The following YWHAG variants were observed in gnomAD, a reference collection of about 807,000 sequenced individuals.
YWHAG encodes tyrosine 3-monooxygenase/tryptophan 5-monooxygenase activation protein gamma.
A neutral mutation model predicts 23.3 loss-of-function variants in YWHAG; 1 was observed. That is an observed-to-expected ratio of 0.04 (90% confidence interval 0.02 to 0.20). The LOEUF is 0.20. Among genes scored for constraint, YWHAG ranks in the 10% least tolerant of loss-of-function variants. The pLI is 1.00. For synonymous variants in YWHAG, 160 were observed against 144.0 expected, an observed-to-expected ratio of 1.11 and a Z score of -0.80; for missense variants, 151 against 338.6, an observed-to-expected ratio of 0.45 and a Z score of 4.35.
intron 1 of YWHAG, among the ~76,000 whole-genome samples, 174 bp downstream of exon 1, chr7:76,358,548 C>G (rs544367017): frequency 6.6e-6 from 1 of 152,316 alleles, no homozygotes; most frequent in East Asian, 1.9e-4. Flanking sequence ...AAAGAGGCCG[C>G]GTCACAGCCC....
intron 1 of YWHAG, among the ~76,000 whole-genome samples, chr7:76,349,220 T>A (rs1399334283): frequency 2.0e-5 from 3 of 151,236 alleles, no homozygotes; most frequent in Non-Finnish European, 2.9e-5. Flanking sequence ...TGGGCGCCTG[T>A]AGTCCCAGCT....
intron 1 of YWHAG, among the ~76,000 whole-genome samples, chr7:76,354,828 G>C (rs1803927224): frequency 1.3e-5 from 2 of 152,158 alleles, no homozygotes; most frequent in Non-Finnish European, 2.9e-5. Context: ...TCCCCAAAGA[G>C]TTAACGATTT....
At chr7:76,330,344 G>C in intron 1 of YWHAG, 111 bp from the exon 2 acceptor site, 1 of 1,189,208 alleles carries the variant, frequency 8.4e-7, no homozygotes, top group Non-Finnish European at 1.2e-6. Flanking sequence ...TGAACAGAAG[G>C]AAATTACTTT....
chr7:76,354,967 C>T (rs952879657), intron 1 of YWHAG, among the ~76,000 whole-genome samples: 2 of 152,152 alleles, frequency 1.3e-5, no homozygotes, highest in Non-Finnish European at 2.9e-5. Flanking sequence ...TCAGTTCAGA[C>T]GCTTGGAAAT....
At chr7:76,357,707 C>T (rs997622938) in intron 1 of YWHAG, among the ~76,000 whole-genome samples, 1 of 152,104 alleles carries the variant, frequency 6.6e-6, no homozygotes, top group African/African-American at 2.4e-5. Context: ...AGACTTTTTC[C>T]CCTTTAAAAT....
chr7:76,329,533 C>A lies in YWHAG; in HGVS notation c.*44G>T. The A allele has an allele frequency of 8.5e-7, 1 of 1,169,770 alleles. No homozygotes were observed. Among genetic ancestry groups the A allele is most frequent in the Non-Finnish European group, 1.2e-6 (1 of 865,824 alleles). 72.5% of individuals were successfully genotyped at this position (1,169,770 alleles called of 1,614,324 possible). A position where few individuals can be genotyped will look rare whatever the true frequency, so the allele number is the denominator to read the frequency against. On this transcript the variant is annotated 3_prime_UTR_variant, in exon 2 of 2. Coordinates refer to ENST00000307630, the MANE Select transcript of YWHAG (RefSeq NM_012479.4). This position sits in a 1 kb window ranked among gnomAD's most constrained non-coding sequence, Gnocchi z 6.1. ...CCAACTCATGGGAAAAAAATAAAGA[C>A]TGCAGTAGTAGCATCCGCGTGCGCT...
Position 76,329,820 on chromosome 7 carries a change from G to A in YWHAG, c.501C>T (p.Pro167=), listed in dbSNP as rs1478022449. 6.2e-7 allele frequency: 1 copy of A among 1,613,628 alleles called. No individual in the cohort carries two copies. Among genetic ancestry groups the A allele is most frequent in the Non-Finnish European group, 8.5e-7 (1 of 1,179,958 alleles). The change falls in exon 2 of 2, where the codon CCC becomes CCT. Residue 167 remains proline (P), a synonymous_variant. Coordinates refer to ENST00000307630, the MANE Select transcript of YWHAG (RefSeq NM_012479.4). This position sits in a 1 kb window ranked among gnomAD's most constrained non-coding sequence, Gnocchi z 6.1. Reference sequence around the variant, plus strand: ...CCAGGCCTAATCGGATGGGGTGGGTGGGCTGCATGTGCTCTTTGCTGATCT... The same window carrying A: ...CCAGGCCTAATCGGATGGGGTGGGTAGGCTGCATGTGCTCTTTGCTGATCT... ...AHEISKEHMQ[P]THPIRLGLAL... is the part of the protein sequence containing the mutation.
intron 1 of YWHAG, among the ~76,000 whole-genome samples, chr7:76,337,765 A>G (rs1234069821): frequency 6.6e-6 from 1 of 151,880 alleles, no homozygotes; most frequent in Non-Finnish European, 1.5e-5. Flanking sequence ...TGAACTCCTG[A>G]GCTCAAGTGA....
At chr7:76,335,766 C>A (rs1419890623) in intron 1 of YWHAG, among the ~76,000 whole-genome samples, 1 of 152,222 alleles carries the variant, frequency 6.6e-6, no homozygotes, top group Non-Finnish European at 1.5e-5. Flanking sequence ...GCCTGGCCAA[C>A]ATGGCGAAAC....
intron 1 of YWHAG, among the ~76,000 whole-genome samples, chr7:76,333,810 A>T (rs953307468): frequency 1.3e-5 from 2 of 152,250 alleles, no homozygotes; most frequent in Non-Finnish European, 2.9e-5. Flanking sequence ...CAGCGTGCCG[A>T]AGGCCACAAA....
At chr7:76,342,560 T>C (rs967662428) in intron 1 of YWHAG, among the ~76,000 whole-genome samples, 4 of 152,196 alleles carry the variant, frequency 2.6e-5, no homozygotes, top group African/African-American at 9.7e-5. Context: ...GGGGCCAGAA[T>C]GCATTTTTGA....
At chr7:76,348,693 C>T (rs569984642) in intron 1 of YWHAG, among the ~76,000 whole-genome samples, 7 of 151,252 alleles carry the variant, frequency 4.6e-5, no homozygotes, top group Non-Finnish European at 1.0e-4. Flanking sequence ...TGTGAGCCAC[C>T]GCGCCCGGCC....
Position 76,329,489 on chromosome 7 carries a change from T to TTCCAACC in YWHAG, c.*87_*88insGGTTGGA. 9.8e-7 allele frequency: 1 copy of TTCCAACC among 1,024,228 alleles called. No individual in the cohort carries two copies. Among genetic ancestry groups the TTCCAACC allele is most frequent in the Admixed American group, 3.0e-5 (1 of 33,648 alleles). The allele number at this position is 1,024,228 out of a possible 1,614,324, so 63.4% of individuals were successfully genotyped here. ...TCCCTGGGAAGGTCATCCCTCCCTT[T>TTCCAACC]CCCTCCCCCACCCGACCCCCAACTC... On this transcript the variant is annotated 3_prime_UTR_variant, in exon 2 of 2. Transcript: ENST00000307630. The surrounding 1 kb of genome is among the most constrained non-coding windows in gnomAD (Gnocchi z 6.1).
chr7:76,353,713 A>G (rs1311952833), intron 1 of YWHAG, among the ~76,000 whole-genome samples: 1 of 152,236 alleles, frequency 6.6e-6, no homozygotes, highest in African/African-American at 2.4e-5. Context: ...TTCTGAGAGG[A>G]GAGGCCATAA....
chr7:76,343,386 AT>A (rs1803728297), intron 1 of YWHAG, among the ~76,000 whole-genome samples: 1 of 152,042 alleles, frequency 6.6e-6, no homozygotes, highest in African/African-American at 2.4e-5. Context: ...GACTCTTCCC[AT>A]CACACCTCTC....
chr7:76,340,184 T>C (rs560822070), intron 1 of YWHAG, among the ~76,000 whole-genome samples: 17 of 152,332 alleles, frequency 1.1e-4, no homozygotes, highest in African/African-American at 4.1e-4. Context: ...TCACACATTG[T>C]GCAAGGGGCA....
At chr7:76,358,424 T>C (rs2115665807) in intron 1 of YWHAG, among the ~76,000 whole-genome samples, 1 of 152,242 alleles carries the variant, frequency 6.6e-6, no homozygotes, top group East Asian at 1.9e-4. Flanking sequence ...CCTGCACCCC[T>C]AGAGCCGCGG....
intron 1 of YWHAG, among the ~76,000 whole-genome samples, chr7:76,347,329 G>T (rs919477879): frequency 1.3e-5 from 2 of 152,274 alleles, no homozygotes; most frequent in East Asian, 3.9e-4. Flanking sequence ...GGGCACAGTG[G>T]CTCATGCCTG....
intron 1 of YWHAG, among the ~76,000 whole-genome samples, chr7:76,332,902 C>A (rs1803566028): frequency 2.0e-5 from 3 of 152,150 alleles, no homozygotes; most frequent in Admixed American, 2.0e-4. Context: ...CAGCGTTTTG[C>A]CATGTTGGCC....
Sources: allele counts gnomAD v4.1 joint callset (sites outside exome capture counted in the v4.1 genomes callset), GRCh38; gene constraint gnomAD v4.1.1; non-coding constraint Gnocchi (gnomAD v3.1); transcripts MANE v1.5; gene names NCBI Gene and HGNC (gene_info 2026-07-23, HGNC 2026-07-21).